Variants in HHAT observed in about 807,000 individuals in gnomAD.
HHAT encodes the protein protein-cysteine N-palmitoyltransferase HHAT.
Under a neutral mutation model 70.8 loss-of-function variants are expected in HHAT, and 47 were observed. That is an observed-to-expected ratio of 0.66 (90% CI 0.53 to 0.85). The LOEUF (loss-of-function observed/expected upper bound fraction) is 0.85. Ranked by LOEUF, HHAT falls within the 40% of genes least tolerant of loss-of-function variation. The pLI, the probability that HHAT is intolerant of heterozygous loss-of-function variation, is 0.00. For missense variants in HHAT, 609 were observed against 604.8 expected, an observed-to-expected ratio of 1.01 and a Z score of -0.07; for synonymous variants, 228 against 247.6, an observed-to-expected ratio of 0.92 and a Z score of 0.74.
chr1:210,502,819 T>C (rs929021067), intron 8 of HHAT, among the ~76,000 whole-genome samples: 3 of 152,254 alleles, frequency 2.0e-5, no homozygotes, highest in African/African-American at 7.2e-5. Flanking sequence ...ATTGTAGTTA[T>C]AATAGGTCAG....
At chr1:210,501,660 TTTTC>T (rs1290993501) in intron 8 of HHAT, among the ~76,000 whole-genome samples, 21 of 119,944 alleles carry the variant, frequency 1.8e-4, no homozygotes, top group African/African-American at 5.1e-4. Context: ...GAAAAATGGC[TTTTC>T]TTTCTTTTTT....
chr1:210,418,055 T>A (rs1331580899), intron 6 of HHAT, 99 bp from the exon 7 acceptor site: 1 of 1,128,828 alleles, frequency 8.9e-7, no homozygotes, highest in Non-Finnish European at 1.3e-6. Context: ...TCAGCTGGCA[T>A]AGCAATAATA....
chr1:210,618,724 G>C (rs1668249812), intron 10 of HHAT, among the ~76,000 whole-genome samples: 1 of 152,126 alleles, frequency 6.6e-6, no homozygotes, highest in Non-Finnish European at 1.5e-5. Flanking sequence ...TTCTAGTTTT[G>C]TTTTGACCCA....
chr1:210,631,434 G>C (rs1558314870), intron 11 of HHAT, among the ~76,000 whole-genome samples: 1 of 152,168 alleles, frequency 6.6e-6, no homozygotes, highest in African/African-American at 2.4e-5. Flanking sequence ...GATTGGCACT[G>C]ACCAGTCTAC....
intron 10 of HHAT, among the ~76,000 whole-genome samples, chr1:210,599,832 G>GGT (rs1663841631): frequency 4.6e-5 from 7 of 152,120 alleles, no homozygotes; most frequent in Admixed American, 2.6e-4. Context: ...CATTGTCTTA[G>GGT]AACCAGGTCC....
intron 8 of HHAT, among the ~76,000 whole-genome samples, chr1:210,495,593 A>G (rs2094624488): frequency 6.6e-6 from 1 of 152,184 alleles, no homozygotes; most frequent in Non-Finnish European, 1.5e-5. Context: ...TTCTCTATGT[A>G]TGTATAAATG....
intron 8 of HHAT, among the ~76,000 whole-genome samples, chr1:210,491,063 T>TAGAG (rs145981858): frequency 0.61 from 89,612 of 146,826 alleles, 26,733 homozygotes; most frequent in Middle Eastern, 0.67. Flanking sequence ...CACACACACA[T>TAGAG]AGTGTGTGTG....
chr1:210,564,575 G>A (rs1211952137), intron 9 of HHAT, among the ~76,000 whole-genome samples: 1 of 152,194 alleles, frequency 6.6e-6, no homozygotes, highest in East Asian at 1.9e-4. Context: ...ATAGAAAAAT[G>A]TCATAGAGGA....
intron 9 of HHAT, among the ~76,000 whole-genome samples, chr1:210,576,591 C>T (rs1657818326): frequency 6.6e-6 from 1 of 151,884 alleles, no homozygotes; most frequent in Admixed American, 6.6e-5. Flanking sequence ...GAGTGCAGCA[C>T]ACCAACATGA....
At chr1:210,438,040 C>A (rs563290668) in intron 7 of HHAT, among the ~76,000 whole-genome samples, 1 of 151,808 alleles carries the variant, frequency 6.6e-6, no homozygotes, top group Non-Finnish European at 1.5e-5. Flanking sequence ...GAGCTGTTTC[C>A]CCTCCTCTAC....
chr1:210,361,961 G>T (rs1327203006), intron 2 of HHAT, among the ~76,000 whole-genome samples: 1 of 152,074 alleles, frequency 6.6e-6, no homozygotes, highest in Non-Finnish European at 1.5e-5. Flanking sequence ...TTCTGTGTTT[G>T]TCTATCTTCC....
At chr1:210,599,610 T>C (rs571210184) in intron 10 of HHAT, among the ~76,000 whole-genome samples, 1 of 152,300 alleles carries the variant, frequency 6.6e-6, no homozygotes, top group South Asian at 2.1e-4. Flanking sequence ...TTCTACCTCC[T>C]AAGTAGATCT....
At chr1:210,510,006 T>G (rs2094927376) in intron 8 of HHAT, among the ~76,000 whole-genome samples, 2 of 152,230 alleles carry the variant, frequency 1.3e-5, no homozygotes, top group East Asian at 3.8e-4. Context: ...AGATGTGCTT[T>G]GCAAAGGAAA....
Position 210,425,565 on chromosome 1 carries a change from G to C in HHAT, c.856+7240G>C, listed in dbSNP as rs372499341. Among the ~76,000 whole-genome samples, 77 of 152,192 alleles carry C rather than the reference G, an allele frequency of 5.1e-4. No individual in the cohort carries two copies. In the East Asian group the frequency reaches 0.013, roughly 26 times the overall value. ...AGTTTTAGTCTTCTGCATGTGGCTA[G>C]CCGGTTACCCAGCACCATTTATTGA... On this transcript the variant is annotated intron_variant, in intron 7 of 11. Coordinates refer to ENST00000261458, the MANE Select transcript of HHAT (RefSeq NM_018194.6).
At chr1:210,390,603 C>T (rs2091398056) in intron 4 of HHAT, among the ~76,000 whole-genome samples, 1 of 152,076 alleles carries the variant, frequency 6.6e-6, no homozygotes, top group African/African-American at 2.4e-5. Flanking sequence ...GTACCTGTCA[C>T]CCAAGCAATG....
intron 1 of HHAT, among the ~76,000 whole-genome samples, chr1:210,334,177 C>CTTTTTTTTTTTTTTTTTTTTTTTTTTTT (rs1342123521): frequency 5.8e-5 from 2 of 34,548 alleles, no homozygotes; most frequent in African/African-American, 1.6e-4. Flanking sequence ...TTTAGCGTGT[C>CTTTTTTTTTTTTTTTTTTTTTTTTTTTT]ATTTTTTTTT....
At position 210,456,276 on chromosome 1, in the gene HHAT, C is replaced by T. The variant is rs77202100; in HGVS notation, c.857-8229C>T. Reference sequence around the variant, plus strand: ...AGTTTTAGGGATGTGATTAATGTTCCTCCAGCTTCTGACTCGTTGCCTTTT... The same window carrying T: ...AGTTTTAGGGATGTGATTAATGTTCTTCCAGCTTCTGACTCGTTGCCTTTT... On this transcript the variant is annotated intron_variant, in intron 7 of 11. Transcript: ENST00000261458. 8.0e-3 allele frequency among the ~76,000 whole-genome samples: 1,213 copies of T among 152,318 alleles called. 21 individuals are homozygous for T. Among genetic ancestry groups the T allele is most frequent in the African/African-American group, 0.028 (1,153 of 41,556 alleles).
chr1:210,340,133 A>G (rs890279572), intron 1 of HHAT, among the ~76,000 whole-genome samples: 2 of 150,942 alleles, frequency 1.3e-5, no homozygotes, highest in Non-Finnish European at 3.0e-5. Flanking sequence ...CGAGGCCAGG[A>G]GTTCAAGACC....
intron 9 of HHAT, among the ~76,000 whole-genome samples, chr1:210,585,092 G>A (rs913387808): frequency 2.6e-5 from 4 of 152,160 alleles, no homozygotes; most frequent in Non-Finnish European, 5.9e-5. Context: ...TCCTGATTGG[G>A]GTGAAATATA....
Sources: gnomAD v4.1 joint callset for allele counts (sites outside exome capture counted in the v4.1 genomes callset) on GRCh38, gnomAD v4.1.1 for gene constraint, MANE v1.5 for transcripts, NCBI Gene and HGNC (gene_info 2026-07-23, HGNC 2026-07-21) for gene names.